The following KANSL1 variants were observed in gnomAD, a reference collection of about 807,000 sequenced individuals.
The protein encoded by KANSL1 is MLL1/MLL complex subunit KANSL1.
In KANSL1, 22 loss-of-function variants were observed where a neutral mutation model predicts 103.6. The ratio of observed to expected loss-of-function variants is 0.21; its 90% CI spans 0.15 to 0.30. The LOEUF is 0.30. Ranked by LOEUF, KANSL1 falls within the 10% of genes least tolerant of loss-of-function variation. The pLI, the probability that KANSL1 is intolerant of heterozygous loss-of-function variation, is 1.00. For missense variants in KANSL1, 1,337 were observed against 1,399.8 expected, an observed-to-expected ratio of 0.96 and a Z score of 0.72; for synonymous variants, 600 against 527.6, an observed-to-expected ratio of 1.14 and a Z score of -1.88.
rs1275554268 is a variant in KANSL1, at chr17:46,099,277, T to C, written c.1290-4576A>G. On this transcript the variant is annotated intron_variant, in intron 2 of 14. Coordinates refer to ENST00000432791, the MANE Select transcript of KANSL1 (RefSeq NM_015443.4). ...AGGCGGAGCTTGCAGTGAGCCGAGA[T>C]TGCGCCACTGCACTCTCGCCTGGGC... Among the ~76,000 whole-genome samples, 15 of 113,398 alleles carry C rather than the reference T, an allele frequency of 1.3e-4. 1 individual carries two copies. The South Asian group carries it at 2.6e-3, about 20-fold the overall frequency. The allele number at this position is 113,398 out of a possible 152,430, so 74.4% of individuals were successfully genotyped here.
At chr17:46,047,802 TAAAAAAAAAAA>T (rs66740033) in intron 7 of KANSL1, among the ~76,000 whole-genome samples, 11 of 120,138 alleles carry the variant, frequency 9.2e-5, no homozygotes, top group African/African-American at 2.9e-4. Context: ...AAATAAAAAT[TAAAAAAAAAAA>T]AAAAACAAAA....
chr17:46,191,450 T>C (rs1159360769), intron 1 of KANSL1, among the ~76,000 whole-genome samples: 1 of 152,228 alleles, frequency 6.6e-6, no homozygotes, highest in African/African-American at 2.4e-5. Context: ...TAAGCCTTTG[T>C]AAATAGTGGT....
intron 6 of KANSL1, among the ~76,000 whole-genome samples, chr17:46,057,083 CAT>C (rs1316078702): frequency 6.6e-6 from 1 of 152,018 alleles, no homozygotes; most frequent in Non-Finnish European, 1.5e-5. Context: ...TCACAGTAAA[CAT>C]AAGACTCAGT....
At chr17:46,096,316 T>TTTTTTTTTTTTTTTTTTTTTC (rs1568443474) in intron 2 of KANSL1, among the ~76,000 whole-genome samples, 1 of 97,204 alleles carries the variant, frequency 1.0e-5, no homozygotes, top group Non-Finnish European at 2.3e-5. Context: ...TTTTTCTTTT[T>TTTTTTTTTTTTTTTTTTTTTC]TTTTTTTTTT....
At chr17:46,186,059 A>G (rs925575572) in intron 1 of KANSL1, among the ~76,000 whole-genome samples, 1 of 152,058 alleles carries the variant, frequency 6.6e-6, no homozygotes, top group Non-Finnish European at 1.5e-5. Context: ...TCCTAAAATC[A>G]GCGACTTCTG....
chr17:46,182,904 G>A (rs1326134990), intron 1 of KANSL1, among the ~76,000 whole-genome samples: 5 of 152,278 alleles, frequency 3.3e-5, no homozygotes, highest in Middle Eastern at 3.4e-3. Context: ...TTAGTCTTTA[G>A]AGGAAAGTCA....
intron 2 of KANSL1, among the ~76,000 whole-genome samples, chr17:46,131,842 G>A (rs2043877508): frequency 6.6e-6 from 1 of 152,156 alleles, no homozygotes; most frequent in Non-Finnish European, 1.5e-5. Context: ...AAAGTAAAAT[G>A]AGTAGGCTAG....
At chr17:46,151,826 TAATACCCATGTTTCTGGAAGGAA>T (rs1301389571) in intron 2 of KANSL1, among the ~76,000 whole-genome samples, 1 of 152,250 alleles carries the variant, frequency 6.6e-6, no homozygotes, top group African/African-American at 2.4e-5. Flanking sequence ...AGGGAATCAT[TAATACCCATGTTTCTGGAAGGAA>T]AATCTACAGC....
At chr17:46,118,174 C>T (rs1420261644) in intron 2 of KANSL1, among the ~76,000 whole-genome samples, 1 of 152,164 alleles carries the variant, frequency 6.6e-6, no homozygotes, top group Non-Finnish European at 1.5e-5. Context: ...AGAGCACTAA[C>T]TGAGGGTCAT....
chr17:46,065,167 C>T (rs2078333280), intron 6 of KANSL1, among the ~76,000 whole-genome samples: 1 of 151,092 alleles, frequency 6.6e-6, no homozygotes, highest in South Asian at 2.1e-4. Flanking sequence ...TGGGGTCTCA[C>T]TATGTTGCCC....
chr17:46,219,841 C>T (rs1416387104), intron 1 of KANSL1, among the ~76,000 whole-genome samples: 4 of 152,344 alleles, frequency 2.6e-5, no homozygotes, highest in South Asian at 4.1e-4. Flanking sequence ...CGGTGGCCCA[C>T]GCCTGTAATC....
chr17:46,032,935 G>GA (rs2077049794), intron 13 of KANSL1, 145 bp downstream of exon 13: 1 of 635,656 alleles, frequency 1.6e-6, no homozygotes, highest in African/African-American at 1.8e-5. Context: ...AAACACCAAG[G>GA]AAATTCTGAG....
chr17:46,089,420 G>A (rs374454944), intron 3 of KANSL1, among the ~76,000 whole-genome samples: 2 of 148,052 alleles, frequency 1.4e-5, no homozygotes, highest in South Asian at 2.1e-4. Context: ...TTGGTAATAC[G>A]CCACTTAAAT....
chr17:46,112,724 A>AT (rs1555552257), intron 2 of KANSL1, among the ~76,000 whole-genome samples: 4,640 of 145,716 alleles, frequency 0.032, 232 homozygotes, highest in African/African-American at 0.1. Flanking sequence ...GGGCAGATAA[A>AT]TTTTTTTTTT....
intron 2 of KANSL1, among the ~76,000 whole-genome samples, chr17:46,101,509 T>C (rs1013566592): frequency 1.6e-4 from 25 of 152,204 alleles, no homozygotes; most frequent in African/African-American, 5.5e-4. Flanking sequence ...CCCAGCACTT[T>C]GGGAGGCCGA....
At chr17:46,174,288 G>A (rs1052466722) in intron 1 of KANSL1, among the ~76,000 whole-genome samples, 3 of 152,274 alleles carry the variant, frequency 2.0e-5, no homozygotes, top group African/African-American at 7.2e-5. Flanking sequence ...GGGTTCAAGT[G>A]ATTCTCCTGC....
At chr17:46,148,897 C>T (rs2044895048) in intron 2 of KANSL1, among the ~76,000 whole-genome samples, 1 of 120,172 alleles carries the variant, frequency 8.3e-6, no homozygotes, top group Non-Finnish European at 1.7e-5. Context: ...GTTGCTTACA[C>T]TTAAAAAAAA....
chr17:46,145,695 G>C (rs2044659066), intron 2 of KANSL1, among the ~76,000 whole-genome samples: 1 of 152,172 alleles, frequency 6.6e-6, no homozygotes, highest in Non-Finnish European at 1.5e-5. Context: ...TAAGCTCTAG[G>C]AAATGAGCAT....
intron 1 of KANSL1, among the ~76,000 whole-genome samples, chr17:46,200,118 T>C (rs1486496796): frequency 6.6e-6 from 1 of 152,226 alleles, no homozygotes; most frequent in Non-Finnish European, 1.5e-5. Context: ...AACTTTAGAA[T>C]ATTTTAAAAT....
Sources: allele counts gnomAD v4.1 joint callset (sites outside exome capture counted in the v4.1 genomes callset), GRCh38; gene constraint gnomAD v4.1.1; transcripts MANE v1.5; gene names NCBI Gene and HGNC (gene_info 2026-07-23, HGNC 2026-07-21).